LOC400499: variants seen among roughly 807,000 people sequenced by gnomAD.
At chr16:11,460,678 A>G in the LOC400499 span, 1 of 1,466,300 alleles carries the variant, frequency 6.8e-7, no homozygotes, top group Non-Finnish European at 9.0e-7. Flanking sequence ...GCTCCAAGAG[A>G]AGGAGGGCCC....
the LOC400499 span, chr16:11,417,729 G>A: frequency 2.5e-6 from 1 of 399,202 alleles, no homozygotes; most frequent in South Asian, 1.3e-4. Context: ...AGAGCTCCAG[G>A]TGCCCATCAT....
chr16:11,432,164 G>T, the LOC400499 span, among the ~76,000 whole-genome samples: 1 of 152,222 alleles, frequency 6.6e-6, no homozygotes, highest in Non-Finnish European at 1.5e-5. Context: ...CACACATCTG[G>T]CTGGGAACTG....
At chr16:11,491,177 T>G in the LOC400499 span, among the ~76,000 whole-genome samples, 1 of 152,212 alleles carries the variant, frequency 6.6e-6, no homozygotes, top group African/African-American at 2.4e-5. Context: ...AAGCTGGGAT[T>G]TGAACCTGGG....
the LOC400499 span, among the ~76,000 whole-genome samples, chr16:11,387,452 A>T: frequency 2.0e-5 from 3 of 152,106 alleles, no homozygotes; most frequent in African/African-American, 7.2e-5. Flanking sequence ...AAATCCCATC[A>T]TGAGGTGGAG....
At chr16:11,384,115 C>A in the LOC400499 span, 2 of 1,222,856 alleles carry the variant, frequency 1.6e-6, no homozygotes, top group Non-Finnish European at 2.0e-6. Context: ...CTACGAAGTC[C>A]TCTGCAGAGC....
the LOC400499 span, among the ~76,000 whole-genome samples, chr16:11,447,231 C>T: frequency 6.6e-6 from 1 of 152,202 alleles, no homozygotes; most frequent in Non-Finnish European, 1.5e-5. Flanking sequence ...CACGGTCTTT[C>T]ACTAGCTGTG....
the LOC400499 span, among the ~76,000 whole-genome samples, chr16:11,513,340 A>G: frequency 6.6e-6 from 1 of 150,936 alleles, no homozygotes; most frequent in African/African-American, 2.5e-5. Context: ...GGGGAGGTTG[A>G]GACTACAGTG....
At chr16:11,504,762 A>C in the LOC400499 span, among the ~76,000 whole-genome samples, 1 of 152,120 alleles carries the variant, frequency 6.6e-6, no homozygotes, top group Non-Finnish European at 1.5e-5. Context: ...ATCTCTGCCA[A>C]AAATATAAAA....
At chr16:11,438,259 C>T in the LOC400499 span, among the ~76,000 whole-genome samples, 2 of 152,302 alleles carry the variant, frequency 1.3e-5, no homozygotes, top group Non-Finnish European at 2.9e-5. Context: ...CAGCAGCTCT[C>T]AAATGGGCCA....
At chr16:11,439,802 C>T in the LOC400499 span, among the ~76,000 whole-genome samples, 1 of 151,936 alleles carries the variant, frequency 6.6e-6, no homozygotes, top group Admixed American at 6.6e-5. Flanking sequence ...CTGGGAAGAC[C>T]ACTCTGGAAC....
the LOC400499 span, among the ~76,000 whole-genome samples, chr16:11,383,289 G>A: frequency 2.0e-5 from 3 of 152,060 alleles, no homozygotes; most frequent in South Asian, 2.1e-4. Flanking sequence ...GGATGGTCTC[G>A]ATCTCCTGAC....
chr16:11,470,716 G>A, the LOC400499 span: 23 of 152,562 alleles, frequency 1.5e-4, no homozygotes, highest in African/African-American at 4.3e-4. Flanking sequence ...CACCAGACAC[G>A]AGAACGGGTA....
At chr16:11,474,352 CTT>C in the LOC400499 span, among the ~76,000 whole-genome samples, 1 of 152,256 alleles carries the variant, frequency 6.6e-6, no homozygotes, top group African/African-American at 2.4e-5. Flanking sequence ...TCTTTTGACT[CTT>C]TTTAGCCACT....
chr16:11,395,562 C>G, the LOC400499 span, among the ~76,000 whole-genome samples: 1 of 152,222 alleles, frequency 6.6e-6, no homozygotes, highest in African/African-American at 2.4e-5. Context: ...GCTGAACTCT[C>G]AACCCAGAAA....
chr16:11,488,897 G>A, the LOC400499 span: 2 of 398,698 alleles, frequency 5.0e-6, no homozygotes, highest in Non-Finnish European at 8.8e-6. Context: ...AGCAGGGAGG[G>A]GCCGTGAGGA....
chr16:11,484,169 G>A, the LOC400499 span, among the ~76,000 whole-genome samples: 8 of 151,854 alleles, frequency 5.3e-5, no homozygotes, highest in African/African-American at 1.9e-4. Flanking sequence ...CACCACGCCT[G>A]GCTAATTTTT....
At chr16:11,511,024 G>A in the LOC400499 span, among the ~76,000 whole-genome samples, 12 of 150,432 alleles carry the variant, frequency 8.0e-5, no homozygotes, top group Non-Finnish European at 1.6e-4. Context: ...TTCAGAAGGG[G>A]TCTCACTCTG....
chr16:11,482,076 T>C, the LOC400499 span, among the ~76,000 whole-genome samples: 1 of 152,198 alleles, frequency 6.6e-6, no homozygotes, highest in African/African-American at 2.4e-5. Flanking sequence ...ATAGGAGTAA[T>C]GAAGACTGGG....
the LOC400499 span, among the ~76,000 whole-genome samples, chr16:11,379,093 G>C: frequency 6.6e-6 from 1 of 150,846 alleles, no homozygotes; most frequent in East Asian, 1.9e-4. Flanking sequence ...GTGAAACCCT[G>C]TCTCTACTGA....
Sources: allele counts gnomAD v4.1 joint callset (sites outside exome capture counted in the v4.1 genomes callset), GRCh38; gene constraint gnomAD v4.1.1; transcripts MANE v1.5.